The following PRKAG2 variants were observed in gnomAD, a reference collection of about 807,000 sequenced individuals.
The protein encoded by PRKAG2 is 5'-AMP-activated protein kinase subunit gamma-2.
Under a neutral mutation model 69.6 loss-of-function variants are expected in PRKAG2, and 26 were observed. That is an observed-to-expected ratio of 0.37 (90% CI 0.27 to 0.52). The LOEUF is 0.52. Among genes scored for constraint, PRKAG2 ranks in the 20% least tolerant of loss-of-function variants. The probability of loss-of-function intolerance (pLI) is 0.90; values close to 1 mark genes in which losing one functional copy is unlikely to be tolerated. For synonymous variants in PRKAG2, 293 were observed against 285.0 expected (o/e 1.03, Z -0.28); for missense variants, 557 against 740.0 (o/e 0.75, Z 2.87).
rs1488789303 is a variant in PRKAG2 at position 151,874,059 on chromosome 7, TATATGTATATG to T, written c.114+2437_114+2447del. ...TATATGATGTATATGTATGTATATG[TATATGTATATG>T]ATGTATATGTATATGTATATGATGT... On this transcript the variant is annotated intron_variant, in intron 1 of 15. Transcript: ENST00000287878. Among the ~76,000 whole-genome samples the T allele has an allele frequency of 4.5e-3, 666 of 146,820 alleles. 20 individuals carry two copies. Among genetic ancestry groups the T allele is most frequent in the Non-Finnish European group, 5.6e-3 (370 of 66,370 alleles).
intron 1 of PRKAG2, among the ~76,000 whole-genome samples, chr7:151,852,870 C>T (rs904586618): frequency 7.9e-5 from 12 of 152,220 alleles, no homozygotes; most frequent in Non-Finnish European, 1.6e-4. Context: ...ACAGCCTGCA[C>T]GGCCCCATAA....
chr7:151,807,470 A>T lies in PRKAG2; in HGVS notation c.115-20929T>A, dbSNP rs952430544. 1.1e-5 allele frequency: 5 copies of T among 457,718 alleles called. No homozygotes were observed. Among genetic ancestry groups the T allele is most frequent in the Non-Finnish European group, 2.2e-5 (5 of 226,982 alleles). The allele number at this position is 457,718 out of a possible 1,614,324, so 28.4% of individuals were successfully genotyped here. A position where few individuals can be genotyped will look rare whatever the true frequency, so the allele number is the denominator to read the frequency against. On this transcript the variant is annotated intron_variant, in intron 1 of 15. Transcript: ENST00000287878. The surrounding 1 kb of genome is among the most constrained non-coding windows in gnomAD (Gnocchi z 4.4). ...TCAATTGGCCTCTTGGTGCCAAAGC[A>T]CCATGGCGTGTTACACCTATCAGAT...
At chr7:151,768,639 A>G (rs2075863867) in intron 3 of PRKAG2, among the ~76,000 whole-genome samples, 1 of 152,054 alleles carries the variant, frequency 6.6e-6, no homozygotes, top group Non-Finnish European at 1.5e-5. Flanking sequence ...GCTAATTTTT[A>G]TATTTTTAGT....
At chr7:151,802,388 T>C (rs994017392) in intron 1 of PRKAG2, among the ~76,000 whole-genome samples, 1 of 152,100 alleles carries the variant, frequency 6.6e-6, no homozygotes, top group Non-Finnish European at 1.5e-5. Context: ...GACTCTGACC[T>C]TCCAGGATGG....
At chr7:151,617,281 A>AGGGAGGGG (rs1563266664) in intron 5 of PRKAG2, among the ~76,000 whole-genome samples, 1 of 68,880 alleles carries the variant, frequency 1.5e-5, no homozygotes, top group South Asian at 5.6e-4. Context: ...GGAGGGAGGG[A>AGGGAGGGG]AAGAGGGAGG....
chr7:151,787,592 G>A (rs143351938), intron 1 of PRKAG2, among the ~76,000 whole-genome samples: 453 of 152,228 alleles, frequency 3.0e-3, no homozygotes, highest in African/African-American at 9.1e-3. Flanking sequence ...TTCCGCTTAC[G>A]CATTCATCAG....
chr7:151,612,136 A>C (rs1254943955), intron 5 of PRKAG2, among the ~76,000 whole-genome samples: 1 of 152,156 alleles, frequency 6.6e-6, no homozygotes, highest in African/African-American at 2.4e-5. Context: ...AATTAAATGC[A>C]GTGCTTTTGA....
At chr7:151,628,650 G>A (rs1013396430) in intron 5 of PRKAG2, among the ~76,000 whole-genome samples, 2 of 151,020 alleles carry the variant, frequency 1.3e-5, no homozygotes, top group African/African-American at 4.9e-5. Flanking sequence ...AGGCTGCAGT[G>A]AGCTGAGATC....
chr7:151,844,411 T>G (rs1053852318), intron 1 of PRKAG2, among the ~76,000 whole-genome samples: 1 of 152,028 alleles, frequency 6.6e-6, no homozygotes, highest in Non-Finnish European at 1.5e-5. Context: ...ACCCATCACA[T>G]GAAGGGGCTG....
intron 1 of PRKAG2, among the ~76,000 whole-genome samples, chr7:151,812,718 C>T (rs1035407488): frequency 5.3e-5 from 8 of 152,206 alleles, no homozygotes; most frequent in African/African-American, 1.9e-4. Context: ...GTCCACCAGC[C>T]TCCGTTCCCC....
At chr7:151,705,737 T>C (rs1001811689) in intron 3 of PRKAG2, among the ~76,000 whole-genome samples, 2 of 152,140 alleles carry the variant, frequency 1.3e-5, no homozygotes, top group African/African-American at 4.8e-5. Context: ...TGCTTAACTC[T>C]CCAGGCTCTG....
intron 3 of PRKAG2, among the ~76,000 whole-genome samples, chr7:151,751,240 G>C (rs1461210113): frequency 6.6e-6 from 1 of 151,618 alleles, no homozygotes; most frequent in Non-Finnish European, 1.5e-5. Flanking sequence ...TGGGACTACA[G>C]GTGCCCGCCA....
At chr7:151,802,446 G>T (rs964069651) in intron 1 of PRKAG2, among the ~76,000 whole-genome samples, 3 of 152,192 alleles carry the variant, frequency 2.0e-5, no homozygotes, top group Non-Finnish European at 4.4e-5. Context: ...ACTAATCTGG[G>T]AGACAGCCTT....
rs1806111411 is a variant in PRKAG2 at position 151,565,800 on chromosome 7, T to C, written c.1319A>G (p.His440Arg). The C allele has an allele frequency of 6.2e-7, 1 of 1,612,256 alleles. No individual in the cohort carries two copies. Among genetic ancestry groups the C allele is most frequent in the South Asian group, 1.1e-5 (1 of 91,040 alleles). Residue 440 changes from histidine (H) to arginine (R), a missense_variant, in exon 12 of 16, where the codon CAT (histidine) becomes CGT (arginine). Coordinates refer to ENST00000287878, the MANE Select transcript of PRKAG2 (RefSeq NM_016203.4). ...IGTYHNIAFI[H>R]PDTPIIKALN... Reference sequence around the variant, plus strand: ...GGCTTTGATGATGGGAGTGTCTGGATGTATGAAGGCAATGTTGTGGTACGT... The same window carrying C: ...GGCTTTGATGATGGGAGTGTCTGGACGTATGAAGGCAATGTTGTGGTACGT...
At chr7:151,600,607 T>A (rs1489201614) in intron 5 of PRKAG2, among the ~76,000 whole-genome samples, 1 of 152,178 alleles carries the variant, frequency 6.6e-6, no homozygotes, top group Non-Finnish European at 1.5e-5. Context: ...ATTCCAGACG[T>A]CTCCTGTCTC....
intron 1 of PRKAG2, among the ~76,000 whole-genome samples, chr7:151,831,749 GTT>G (rs1181010437): frequency 0.013 from 1,918 of 152,318 alleles, 32 homozygotes; most frequent in African/African-American, 0.043. Flanking sequence ...CCTGGAGGGA[GTT>G]CTGTGTGCCC....
In PRKAG2 at chr7:151,587,775, C is replaced by T. The variant is rs75182149; in HGVS notation, c.864+7570G>A. Among the ~76,000 whole-genome samples the T allele has an allele frequency of 7.0e-3, 1,065 of 152,206 alleles. 20 individuals carry two copies. The highest frequency in any genetic ancestry group is 0.024 in the African/African-American group (1,003 of 41,526). ...CACCTAAGGAGGCATGATGACGAGA[C>T]GTGATGGGGTAACCTAGATGGGATC... On this transcript the variant is annotated intron_variant, in intron 6 of 15. Transcript: ENST00000287878.
rs2078580881 is a variant in PRKAG2, at chr7:151,814,521, T to TC, written c.115-27981dup. On this transcript the variant is annotated intron_variant, in intron 1 of 15. Transcript: ENST00000287878. The surrounding 1 kb of genome is among the most constrained non-coding windows in gnomAD (Gnocchi z 4.8). Reference sequence around the variant, plus strand: ...TGCGAGTGACGGGGACGGGCGGCACTCCCAGCTCTGACAAATCCTGCTGCC... The same window carrying TC: ...TGCGAGTGACGGGGACGGGCGGCACTCCCCAGCTCTGACAAATCCTGCTGCC... 2 of 1,231,280 alleles carry TC rather than the reference T, an allele frequency of 1.6e-6. No homozygotes were observed. Among genetic ancestry groups the TC allele is most frequent in the Non-Finnish European group, 2.0e-6 (2 of 987,978 alleles). The allele number at this position is 1,231,280 out of a possible 1,614,324, so 76.3% of individuals were successfully genotyped here. A position where few individuals can be genotyped will look rare whatever the true frequency, so the allele number is the denominator to read the frequency against.
chr7:151,556,472 T>C lies in PRKAG2; in HGVS notation c.*729A>G, dbSNP rs909535420. 5 of 152,670 alleles carry C rather than the reference T, an allele frequency of 3.3e-5. No homozygotes were observed. The highest frequency in any genetic ancestry group is 7.3e-5 in the Non-Finnish European group (5 of 68,086). 9.5% of individuals were successfully genotyped at this position (152,670 alleles called of 1,614,324 possible). On this transcript the variant is annotated 3_prime_UTR_variant, in exon 16 of 16. Transcript: ENST00000287878. The stretch of plus-strand genomic sequence containing the variant: ...AACCCAGCAGCGGCTATTTCAGAAG[T>C]CATGTCCTTTCCAGATCCAAACTTA...
Sources: allele counts gnomAD v4.1 joint callset (sites outside exome capture counted in the v4.1 genomes callset), GRCh38; gene constraint gnomAD v4.1.1; non-coding constraint Gnocchi (gnomAD v3.1); transcripts MANE v1.5; gene names NCBI Gene and HGNC (gene_info 2026-07-23, HGNC 2026-07-21).